PAG1: variants seen among roughly 807,000 people sequenced by gnomAD.
PAG1 encodes the protein phosphoprotein associated with glycosphingolipid-enriched microdomains 1.
Under a neutral mutation model 31.7 loss-of-function variants are expected in PAG1, and 23 were observed. The observed-to-expected ratio is 0.73, with a 90% CI of 0.52 to 1.03. PAG1 has a LOEUF of 1.03. PAG1 is among the 50% of genes least tolerant of loss of function. The pLI, the probability that PAG1 is intolerant of heterozygous loss-of-function variation, is 0.00. For synonymous variants in PAG1, 214 were observed against 210.3 expected (o/e 1.02, Z -0.15); for missense variants, 473 against 540.7 (o/e 0.87, Z 1.24).
chr8:80,984,946 A>G lies in PAG1; in HGVS notation c.706T>C (p.Cys236Arg), dbSNP rs890896053. 1.4e-5 allele frequency: 23 copies of G among 1,613,840 alleles called. No homozygotes were observed. The highest frequency in any genetic ancestry group is 1.8e-5 in the Non-Finnish European group (21 of 1,179,982). Reference sequence around the variant, plus strand: ...CTCTCTACATTAACACTTTGACGACATTTTTTGTTTCTGTCCACCGAGGCA... The same window carrying G: ...CTCTCTACATTAACACTTTGACGACGTTTTTTGTTTCTGTCCACCGAGGCA... ...EYASVDRNKK[C>R]RQSVNVESIL... Residue 236 changes from cysteine to arginine, a missense_variant, in exon 7 of 9, where the codon TGT (cysteine) becomes CGT (arginine). Transcript: ENST00000220597.
chr8:81,105,440 T>C (rs948070091), intron 1 of PAG1, among the ~76,000 whole-genome samples: 2 of 152,172 alleles, frequency 1.3e-5, no homozygotes, highest in African/African-American at 4.8e-5. Flanking sequence ...ACATGTGAAT[T>C]AGAGGCTCAC....
Position 80,987,403 on chromosome 8 carries a change from T to A in PAG1, c.241A>T (p.Ser81Cys). 1 of 1,613,820 alleles carries A rather than the reference T, an allele frequency of 6.2e-7. No homozygotes were observed. The highest frequency in any genetic ancestry group is 8.5e-7 in the Non-Finnish European group (1 of 1,179,666). The change falls in exon 6 of 9, where the codon AGT (serine) becomes TGT (cysteine). Residue 81 changes from serine (S) to cysteine (C), a missense_variant. Ser to Cys is a moderately radical substitution (Grantham distance 112). Coordinates refer to ENST00000220597, the MANE Select transcript of PAG1 (RefSeq NM_018440.4). The part of the protein sequence containing the change: ...TSLATDAPAS[S>C]EQNGALTNGD... ...TTGGTGAGTGCCCCATTCTGCTCACTGCTGGCAGGAGCATCTGTTGCCAGG... is the reference window on the plus strand; with the variant it reads ...TTGGTGAGTGCCCCATTCTGCTCACAGCTGGCAGGAGCATCTGTTGCCAGG...
intron 1 of PAG1, among the ~76,000 whole-genome samples, chr8:81,070,401 TC>T: frequency 6.6e-6 from 1 of 152,204 alleles, no homozygotes; most frequent in Non-Finnish European, 1.5e-5. Context: ...CTAAACATTA[TC>T]CCTAATTTTA....
intron 3 of PAG1, among the ~76,000 whole-genome samples, chr8:81,004,408 A>G (rs944790091): frequency 1.3e-5 from 2 of 152,180 alleles, no homozygotes; most frequent in African/African-American, 4.8e-5. Context: ...AATACCTCGC[A>G]TGATATTTTC....
intron 3 of PAG1, 31 bp downstream of exon 3, chr8:81,029,965 G>C (rs1808352032): frequency 6.6e-6 from 1 of 152,172 alleles, no homozygotes; most frequent in Non-Finnish European, 1.5e-5. Context: ...CTAGTGATGT[G>C]TCCCTTTATT....
intron 3 of PAG1, among the ~76,000 whole-genome samples, chr8:81,004,923 G>A (rs1807848967): frequency 6.6e-6 from 1 of 152,222 alleles, no homozygotes; most frequent in Admixed American, 6.5e-5. Context: ...CTCTGAGGAT[G>A]GGCTGGATCC....
At chr8:81,063,465 A>C (rs1405394573) in intron 2 of PAG1, among the ~76,000 whole-genome samples, 1 of 152,222 alleles carries the variant, frequency 6.6e-6, no homozygotes, top group Non-Finnish European at 1.5e-5. Context: ...CCCAACAGGG[A>C]AATTCTTTCT....
chr8:80,989,816 C>T (rs2130474865), intron 5 of PAG1, among the ~76,000 whole-genome samples: 1 of 152,242 alleles, frequency 6.6e-6, no homozygotes, highest in Non-Finnish European at 1.5e-5. Flanking sequence ...GGAAAATTCG[C>T]ATTTCTAAGG....
intron 1 of PAG1, among the ~76,000 whole-genome samples, chr8:81,100,739 C>G (rs1809597545): frequency 6.6e-6 from 1 of 152,194 alleles, no homozygotes; most frequent in Non-Finnish European, 1.5e-5. Flanking sequence ...GATTCTCTGA[C>G]CACAGTCCTT....
intron 1 of PAG1, among the ~76,000 whole-genome samples, chr8:81,102,615 A>G (rs1003515863): frequency 1.7e-4 from 26 of 152,220 alleles, no homozygotes; most frequent in African/African-American, 6.3e-4. Context: ...CAGCCACAAC[A>G]TTCTATGTAC....
intron 3 of PAG1, among the ~76,000 whole-genome samples, chr8:81,026,662 C>T (rs560477192): frequency 2.6e-5 from 4 of 152,040 alleles, no homozygotes; most frequent in South Asian, 2.1e-4. Context: ...CCGGAAATTC[C>T]GCAGGAAAGG....
At chr8:81,037,231 G>A (rs1335219710) in intron 2 of PAG1, 3 of 152,106 alleles carry the variant, frequency 2.0e-5, no homozygotes, top group African/African-American at 4.8e-5. Flanking sequence ...AATCCTTAAC[G>A]ATGTATCCTT....
intron 1 of PAG1, among the ~76,000 whole-genome samples, chr8:81,086,003 A>T (rs1809348491): frequency 2.1e-5 from 1 of 48,688 alleles, no homozygotes; most frequent in African/African-American, 1.3e-4. Flanking sequence ...TTTTTTTGAG[A>T]CGGAGTCTCG....
intron 1 of PAG1, among the ~76,000 whole-genome samples, chr8:81,094,935 A>G (rs970777953): frequency 2.6e-5 from 4 of 152,236 alleles, no homozygotes; most frequent in Admixed American, 1.3e-4. Flanking sequence ...CACACTGGGC[A>G]TGTTTCTTAA....
At chr8:80,984,736 C>T (rs1369615258) in intron 7 of PAG1, 40 bp downstream of exon 7, 6 of 1,587,818 alleles carry the variant, frequency 3.8e-6, no homozygotes, top group African/African-American at 1.4e-5. Flanking sequence ...CTAACCAGAA[C>T]AGGAACCCAC....
chr8:80,994,856 T>C (rs1260516357), intron 3 of PAG1, among the ~76,000 whole-genome samples: 1 of 152,248 alleles, frequency 6.6e-6, no homozygotes, highest in Non-Finnish European at 1.5e-5. Flanking sequence ...AAATAGCCTT[T>C]AAGTTGGTCT....
At chr8:81,045,915 G>A (rs947749643) in intron 2 of PAG1, among the ~76,000 whole-genome samples, 1 of 152,188 alleles carries the variant, frequency 6.6e-6, no homozygotes. Context: ...TCTCATGTCA[G>A]GCCCATTTAC....
In PAG1 at chr8:80,990,434, C is replaced by T. The variant is rs1356623588; in HGVS notation, c.177+1045G>A. ...TGCTTCCTTGTTTGCACCCTCTCCT[C>T]CCAACCAGTTTTTGCTTGACCTTGA... On this transcript the variant is annotated intron_variant, in intron 5 of 8. Coordinates refer to ENST00000220597, the MANE Select transcript of PAG1 (RefSeq NM_018440.4). This position sits in a 1 kb window ranked among gnomAD's most constrained non-coding sequence, Gnocchi z 5.1. Among the ~76,000 whole-genome samples the T allele has an allele frequency of 6.6e-6, 1 of 152,154 alleles. No individual in the cohort carries two copies. The highest frequency in any genetic ancestry group is 2.4e-5 in the African/African-American group (1 of 41,424).
At chr8:81,050,205 C>T (rs1222007677) in intron 2 of PAG1, among the ~76,000 whole-genome samples, 1 of 152,120 alleles carries the variant, frequency 6.6e-6, no homozygotes, top group Admixed American at 6.5e-5. Context: ...GATAGTGTTG[C>T]AATTAAAATT....
Sources: allele counts gnomAD v4.1 joint callset (sites outside exome capture counted in the v4.1 genomes callset), GRCh38; gene constraint gnomAD v4.1.1; non-coding constraint Gnocchi (gnomAD v3.1); transcripts MANE v1.5; gene names NCBI Gene and HGNC (gene_info 2026-07-23, HGNC 2026-07-21).